The following PPP2R5A variants were observed in gnomAD, a reference collection of about 807,000 sequenced individuals.
PPP2R5A encodes serine/threonine-protein phosphatase 2A 56 kDa regulatory subunit alpha isoform.
PPP2R5A carries 25 observed loss-of-function variants against 64.2 expected under a neutral mutation model. The ratio of observed to expected loss-of-function variants is 0.39; its 90% CI spans 0.28 to 0.54. PPP2R5A has a LOEUF of 0.54. PPP2R5A is among the 20% of genes least tolerant of loss of function. The probability of loss-of-function intolerance (pLI) is 0.67; values close to 1 mark genes in which losing one functional copy is unlikely to be tolerated. For synonymous variants in PPP2R5A, 198 were observed against 201.2 expected (o/e 0.98, Z 0.13); for missense variants, 425 against 576.3 (o/e 0.74, Z 2.69).
intron 1 of PPP2R5A, among the ~76,000 whole-genome samples, chr1:212,317,159 AG>A (rs1420743547): frequency 6.6e-6 from 1 of 151,928 alleles, no homozygotes; most frequent in Admixed American, 6.6e-5. Flanking sequence ...ACCTACTTTG[AG>A]TTTTCGCTGA....
At chr1:212,348,648 A>G in intron 7 of PPP2R5A, 151 bp downstream of exon 7, 1 of 607,766 alleles carries the variant, frequency 1.6e-6, no homozygotes, top group Non-Finnish European at 2.8e-6. Flanking sequence ...CTTATTTTAA[A>G]GTATTTAGTT....
At chr1:212,320,243 A>G (rs1327491272) in intron 1 of PPP2R5A, among the ~76,000 whole-genome samples, 4 of 152,140 alleles carry the variant, frequency 2.6e-5, no homozygotes, top group Non-Finnish European at 5.9e-5. Flanking sequence ...CACATGTTTC[A>G]GAGAGCACAG....
chr1:212,317,335 A>G (rs1221590419), intron 1 of PPP2R5A, among the ~76,000 whole-genome samples: 1 of 98,642 alleles, frequency 1.0e-5, no homozygotes, highest in Non-Finnish European at 2.2e-5. Context: ...CTAATGGGTA[A>G]CGATTTAGAA....
At chr1:212,311,539 T>A (rs570367577) in intron 1 of PPP2R5A, among the ~76,000 whole-genome samples, 2 of 152,284 alleles carry the variant, frequency 1.3e-5, no homozygotes, top group African/African-American at 4.8e-5. Flanking sequence ...TGTTACTGGC[T>A]TATGTATTTA....
chr1:212,333,677 T>C, intron 3 of PPP2R5A, 79 bp downstream of exon 3: 1 of 745,038 alleles, frequency 1.3e-6, no homozygotes, highest in Non-Finnish European at 2.0e-6. Flanking sequence ...ATTTAGATTC[T>C]GAGTGTCTGT....
At chr1:212,360,299 A>C (rs1375195183) in intron 12 of PPP2R5A, among the ~76,000 whole-genome samples, 2 of 152,194 alleles carry the variant, frequency 1.3e-5, no homozygotes, top group African/African-American at 4.8e-5. Flanking sequence ...AGCCTTTGTA[A>C]TACTGATTAG....
chr1:212,318,692 G>A (rs1365122239), intron 1 of PPP2R5A, among the ~76,000 whole-genome samples: 1 of 152,140 alleles, frequency 6.6e-6, no homozygotes, highest in African/African-American at 2.4e-5. Flanking sequence ...AACCAACCTT[G>A]GATCAAAAAT....
At position 212,356,607 on chromosome 1, in the gene PPP2R5A, A is replaced by C; in HGVS notation, c.928-19A>C. On this transcript the variant is annotated intron_variant, in intron 8 of 12. Transcript: ENST00000261461. Reference sequence around the variant, plus strand: ...TAGCTTTGTTATTAAATTCATGCTAAACTTTTTCTTTTTCGCAGGTGATCA... The same window carrying C: ...TAGCTTTGTTATTAAATTCATGCTACACTTTTTCTTTTTCGCAGGTGATCA... The C allele has an allele frequency of 6.2e-7, 1 of 1,606,360 alleles. No homozygotes were observed. Among genetic ancestry groups the C allele is most frequent in the Non-Finnish European group, 8.5e-7 (1 of 1,177,262 alleles).
At chr1:212,292,561 G>A (rs1296080460) in intron 1 of PPP2R5A, among the ~76,000 whole-genome samples, 3 of 151,956 alleles carry the variant, frequency 2.0e-5, no homozygotes, top group African/African-American at 7.3e-5. Context: ...ATTCTTTTCT[G>A]TTTTGTTTTT....
chr1:212,355,301 A>C (rs986170238), intron 8 of PPP2R5A, among the ~76,000 whole-genome samples: 1 of 152,014 alleles, frequency 6.6e-6, no homozygotes, highest in African/African-American at 2.4e-5. Flanking sequence ...TTAAGTTTTA[A>C]GGGATATATA....
chr1:212,320,878 A>G (rs1659268065), intron 1 of PPP2R5A, among the ~76,000 whole-genome samples: 2 of 133,374 alleles, frequency 1.5e-5, no homozygotes, highest in African/African-American at 2.8e-5. Flanking sequence ...ACTTCCCAGT[A>G]GGGGCGGCCA....
At chr1:212,343,266 AACTAT>A (rs1659717803) in intron 4 of PPP2R5A, among the ~76,000 whole-genome samples, 1 of 152,056 alleles carries the variant, frequency 6.6e-6, no homozygotes, top group African/African-American at 2.4e-5. Flanking sequence ...GCCCCTTTTT[AACTAT>A]ATGGAATTGG....
intron 2 of PPP2R5A, 56 bp from the exon 3 acceptor site, chr1:212,333,441 T>A: frequency 8.8e-7 from 1 of 1,133,348 alleles, no homozygotes; most frequent in Non-Finnish European, 1.2e-6. Flanking sequence ...TCGTTTTGAA[T>A]TGTCCAATTC....
intron 1 of PPP2R5A, among the ~76,000 whole-genome samples, chr1:212,308,103 C>T (rs1204087572): frequency 6.6e-6 from 1 of 152,082 alleles, no homozygotes; most frequent in Non-Finnish European, 1.5e-5. Flanking sequence ...AGCTCCCAAG[C>T]CTTCATTTTT....
chr1:212,340,506 T>C (rs895676719), intron 3 of PPP2R5A, among the ~76,000 whole-genome samples: 5 of 152,268 alleles, frequency 3.3e-5, no homozygotes, highest in African/African-American at 1.2e-4. Flanking sequence ...GAGACTGTGC[T>C]GACTTTTCAG....
At chr1:212,341,242 AAG>A (rs1659680247) in intron 3 of PPP2R5A, among the ~76,000 whole-genome samples, 1 of 152,194 alleles carries the variant, frequency 6.6e-6, no homozygotes, top group African/African-American at 2.4e-5. Flanking sequence ...ACTTTTATAG[AAG>A]GCCTGCTATG....
At chr1:212,304,594 G>A (rs1051650186) in intron 1 of PPP2R5A, among the ~76,000 whole-genome samples, 4 of 152,044 alleles carry the variant, frequency 2.6e-5, no homozygotes, top group Non-Finnish European at 5.9e-5. Flanking sequence ...TGTTGCCCAG[G>A]CTTGAGTGCA....
Position 212,357,574 on chromosome 1 carries a change from C to T in PPP2R5A, c.1226+290C>T, listed in dbSNP as rs185668445. ...ATCCCAGCACTTTGGGAGGCCGAGGCGGGCGGATCACAAGGTCAGGAGATT... is the reference window on the plus strand; with the variant it reads ...ATCCCAGCACTTTGGGAGGCCGAGGTGGGCGGATCACAAGGTCAGGAGATT... On this transcript the variant is annotated intron_variant, in intron 11 of 12. Coordinates refer to ENST00000261461, the MANE Select transcript of PPP2R5A (RefSeq NM_006243.4). 82 of 170,368 alleles carry T rather than the reference C, an allele frequency of 4.8e-4. No individual in the cohort carries two copies. In the East Asian group the frequency reaches 0.012, roughly 26 times the overall value. 10.6% of individuals were successfully genotyped at this position (170,368 alleles called of 1,614,324 possible).
At chr1:212,326,364 C>T (rs1020580829) in intron 1 of PPP2R5A, among the ~76,000 whole-genome samples, 1 of 151,720 alleles carries the variant, frequency 6.6e-6, no homozygotes, top group South Asian at 2.1e-4. Flanking sequence ...GAGGCCGAGG[C>T]AGGCGGATCA....
Sources: allele counts gnomAD v4.1 joint callset (sites outside exome capture counted in the v4.1 genomes callset), GRCh38; gene constraint gnomAD v4.1.1; transcripts MANE v1.5; gene names NCBI Gene and HGNC (gene_info 2026-07-23, HGNC 2026-07-21).